Variants in COQ5 observed in about 807,000 individuals in gnomAD.
COQ5 encodes the protein coenzyme Q5, methyltransferase.
COQ5 carries 27 observed loss-of-function variants against 40.5 expected under a neutral mutation model. The observed-to-expected ratio is 0.67, with a 90% confidence interval of 0.49 to 0.92. The LOEUF (loss-of-function observed/expected upper bound fraction) is 0.92, where lower values mean the gene tolerates loss of function less well. Among genes scored for constraint, COQ5 ranks in the 40% least tolerant of loss-of-function variants. COQ5 has a pLI of 0.00. For synonymous variants in COQ5, 141 were observed against 150.0 expected, an observed-to-expected ratio of 0.94 and a Z score of 0.44; for missense variants, 409 against 406.4, an observed-to-expected ratio of 1.01 and a Z score of -0.06.
intron 4 of COQ5, among the ~76,000 whole-genome samples, chr12:120,508,354 T>G (rs1288163564): frequency 1.3e-5 from 2 of 151,408 alleles, no homozygotes; most frequent in African/African-American, 4.9e-5. Context: ...GTTACTGTAC[T>G]CCAGCCTGGG....
At chr12:120,523,617 A>G (rs1216041679) in intron 1 of COQ5, among the ~76,000 whole-genome samples, 1 of 152,224 alleles carries the variant, frequency 6.6e-6, no homozygotes, top group Non-Finnish European at 1.5e-5. Context: ...AATGCCATCC[A>G]TATACCTGGT....
rs775225793 is a variant in COQ5 at position 120,503,986 on chromosome 12, C to T, written c.866G>A (p.Arg289Gln). Residue 289 changes from arginine (R) to glutamine (Q), a missense_variant, in exon 6 of 7, where the codon CGA becomes CAA. Arg to Gln is a conservative substitution (Grantham distance 43). Transcript: ENST00000288532. ...KSYQYLVESI[R>Q]RFPSQEEFKD... ...GTTTCATACCTGAGACGGAAACCTTCGGATACTCTCTACAAGGTACTGATA... is the reference window on the plus strand; with the variant it reads ...GTTTCATACCTGAGACGGAAACCTTTGGATACTCTCTACAAGGTACTGATA... 14 of 1,612,040 alleles carry T rather than the reference C, an allele frequency of 8.7e-6. No individual in the cohort carries two copies. In the East Asian group the frequency reaches 1.6e-4, roughly 18 times the overall value.
chr12:120,528,859 G>T, intron 1 of COQ5, 81 bp downstream of exon 1: 4 of 1,281,258 alleles, frequency 3.1e-6, no homozygotes, highest in South Asian at 1.2e-5. Flanking sequence ...CTAATTGGAT[G>T]TTAAATCAAC....
rs568629920 is a variant in COQ5 at position 120,504,752 on chromosome 12, G to C, written c.770+143C>G. 63 of 736,602 alleles carry C rather than the reference G, an allele frequency of 8.6e-5. No homozygotes were observed. In the African/African-American group the frequency reaches 8.8e-4, roughly 10 times the overall value. The allele number at this position is 736,602 out of a possible 1,614,324, so 45.6% of individuals were successfully genotyped here. A position where few individuals can be genotyped will look rare whatever the true frequency, so the allele number is the denominator to read the frequency against. ...TCTGGTTTGAGACTCTTGTGGCCTA[G>C]GTATTGTCATTCAGAACTGGCTGAC... On this transcript the variant is annotated intron_variant, in intron 5 of 6. Coordinates refer to ENST00000288532, the MANE Select transcript of COQ5 (RefSeq NM_032314.4).
At position 120,522,634 on chromosome 12, in the gene COQ5, T is replaced by C. The variant is rs190888964; in HGVS notation, c.203-271A>G. 1.4e-3 allele frequency: 919 copies of C among 653,272 alleles called. 9 individuals carry two copies. In the African/African-American group the frequency reaches 0.015, roughly 10 times the overall value. 40.5% of individuals were successfully genotyped at this position (653,272 alleles called of 1,614,324 possible). A position where few individuals can be genotyped will look rare whatever the true frequency, so the allele number is the denominator to read the frequency against. ...TCCAGGGGGGTCACACCAGTCCTTC[T>C]GTCCTCACATTGGCAGACAGAGATA... is the stretch of plus-strand genomic sequence containing the variant. On this transcript the variant is annotated intron_variant, in intron 1 of 6. Coordinates refer to ENST00000288532, the MANE Select transcript of COQ5 (RefSeq NM_032314.4).
At chr12:120,505,049 G>C in intron 4 of COQ5, 66 bp from the exon 5 acceptor site, 1 of 1,309,862 alleles carries the variant, frequency 7.6e-7, no homozygotes, top group Non-Finnish European at 1.1e-6. Flanking sequence ...ATGAGGCCAA[G>C]ACAGCTTTAG....
At chr12:120,514,180 C>T (rs544463065) in intron 3 of COQ5, among the ~76,000 whole-genome samples, 32 of 152,216 alleles carry the variant, frequency 2.1e-4, no homozygotes, top group Non-Finnish European at 3.8e-4. Flanking sequence ...CGACTGTCCG[C>T]CTTCTGACCA....
intron 2 of COQ5, among the ~76,000 whole-genome samples, chr12:120,517,889 C>A (rs1453831879): frequency 6.6e-6 from 1 of 151,514 alleles, no homozygotes; most frequent in Non-Finnish European, 1.5e-5. Flanking sequence ...CTCACTGCAA[C>A]CTCTGCCTCC....
chr12:120,523,448 GC>G, intron 1 of COQ5: 1 of 380,516 alleles, frequency 2.6e-6, no homozygotes, highest in African/African-American at 2.1e-5. Context: ...GGCCATGTCT[GC>G]ACTGGTCCTC....
At position 120,527,988 on chromosome 12, in the gene COQ5, C is replaced by CAA. The variant is rs55830211; in HGVS notation, c.202+950_202+951dup. On this transcript the variant is annotated intron_variant, in intron 1 of 6. Transcript: ENST00000288532. ...GGGGTGACAGAGAGAGACTCAGTCT[C>CAA]AAAAAAAAAAAAAAAAAAAAAAAAA... is the stretch of plus-strand genomic sequence containing the variant. 1.3e-3 allele frequency among the ~76,000 whole-genome samples: 29 copies of CAA among 23,028 alleles called. 6 individuals carry two copies. The highest frequency in any genetic ancestry group is 1.7e-3 in the African/African-American group (12 of 7,002). 15.1% of individuals were successfully genotyped at this position (23,028 alleles called of 152,430 possible). A position where few individuals can be genotyped will look rare whatever the true frequency, so the allele number is the denominator to read the frequency against.
intron 2 of COQ5, among the ~76,000 whole-genome samples, chr12:120,517,442 G>C (rs547986053): frequency 2.0e-5 from 3 of 151,400 alleles, no homozygotes; most frequent in Non-Finnish European, 4.4e-5. Context: ...AGGCCGAGGC[G>C]GTTGGATCAC....
intron 1 of COQ5, among the ~76,000 whole-genome samples, chr12:120,524,825 T>A (rs67845102): frequency 0.046 from 6,903 of 151,148 alleles, 253 homozygotes; most frequent in South Asian, 0.1. Flanking sequence ...TTTTTTTTTT[T>A]AAATTTTTTT....
intron 2 of COQ5, among the ~76,000 whole-genome samples, chr12:120,520,491 A>C (rs963252451): frequency 6.6e-6 from 1 of 151,838 alleles, no homozygotes; most frequent in African/African-American, 2.4e-5. Flanking sequence ...ACAACCGACC[A>C]ATTTTTGTAT....
rs1045273 is a variant in COQ5 at position 120,503,349 on chromosome 12, G to C, written c.*435C>G. ...TCATTAATACTCTGACTTGGGCCTA[G>C]ACTTCGTCCTAGGCTGAAAGGTTGA... On this transcript the variant is annotated 3_prime_UTR_variant, in exon 7 of 7. Coordinates refer to ENST00000288532, the MANE Select transcript of COQ5 (RefSeq NM_032314.4). 4.2e-5 allele frequency: 15 copies of C among 356,828 alleles called. No homozygotes were observed. Among genetic ancestry groups the C allele is most frequent in the Non-Finnish European group, 6.1e-5 (11 of 181,642 alleles). The allele number at this position is 356,828 out of a possible 1,614,324, so 22.1% of individuals were successfully genotyped here. A position where few individuals can be genotyped will look rare whatever the true frequency, so the allele number is the denominator to read the frequency against.
intron 3 of COQ5, among the ~76,000 whole-genome samples, chr12:120,514,240 G>A (rs947536902): frequency 2.0e-5 from 3 of 152,124 alleles, no homozygotes; most frequent in Non-Finnish European, 4.4e-5. Flanking sequence ...CAAGTGGGCT[G>A]CAGCTCGTCT....
In COQ5 at chr12:120,519,909, T is replaced by C. The variant is rs960757116; in HGVS notation, c.352+2305A>G. Among the ~76,000 whole-genome samples the C allele has an allele frequency of 6.7e-5, 10 of 150,122 alleles. 1 individual carries two copies. Among genetic ancestry groups the C allele is most frequent in the Admixed American group, 2.7e-4 (4 of 15,042 alleles). ...AAAAAAAAGTGGGATCCTAGGCTTA[T>C]ATGCATTTTAGATTTTGGTAGATTC... On this transcript the variant is annotated intron_variant, in intron 2 of 6. Transcript: ENST00000288532.
rs1207709136 is a variant in COQ5 at position 120,510,105 on chromosome 12, C to T, written c.593G>A (p.Gly198Glu). The change falls in exon 4 of 7, where the codon GGA (glycine) becomes GAA (glutamate). Residue 198 changes from glycine to glutamate, a missense_variant. Gly to Glu is a moderately conservative substitution (Grantham distance 98). Transcript: ENST00000288532. Reference sequence around the variant, plus strand: ...ATCAAAGGGCAGTTCTTCAGCATCTCCTAATACCCATGCAAGTCCTGAAAG... The same window carrying T: ...ATCAAAGGGCAGTTCTTCAGCATCTTCTAATACCCATGCAAGTCCTGAAAG... ...GYRAGLAWVLGDAEELPFDDD... is the reference protein window; with the variant it reads ...GYRAGLAWVLEDAEELPFDDD... 6.2e-7 allele frequency: 1 copy of T among 1,613,704 alleles called. No homozygotes were observed. Among genetic ancestry groups the T allele is most frequent in the Admixed American group, 1.7e-5 (1 of 59,960 alleles).
chr12:120,522,664 C>T, intron 1 of COQ5: 1 of 657,586 alleles, frequency 1.5e-6, no homozygotes. Flanking sequence ...GAGATATCTA[C>T]TCTGAAGCCT....
At chr12:120,522,145 C>A in intron 2 of COQ5, 69 bp downstream of exon 2, 1 of 1,538,718 alleles carries the variant, frequency 6.5e-7, no homozygotes, top group South Asian at 1.1e-5. Context: ...TGAGCTAGCT[C>A]ATTACAAGAG....
Sources: allele counts gnomAD v4.1 joint callset (sites outside exome capture counted in the v4.1 genomes callset), GRCh38; gene constraint gnomAD v4.1.1; transcripts MANE v1.5; gene names NCBI Gene and HGNC (gene_info 2026-07-23, HGNC 2026-07-21).